HVCN1: variants seen among roughly 807,000 people sequenced by gnomAD.
HVCN1 encodes the protein voltage-gated hydrogen channel 1.
In HVCN1, 14 loss-of-function variants were observed where a neutral mutation model predicts 29.2. That is an observed-to-expected ratio of 0.48 (90% confidence interval 0.32 to 0.75). The LOEUF is 0.75. HVCN1 is among the 30% of genes least tolerant of loss of function. HVCN1 has a pLI of 0.04. For missense variants in HVCN1, 263 were observed against 341.8 expected (o/e 0.77, Z 1.82); for synonymous variants, 131 against 133.2 (o/e 0.98, Z 0.11).
chr12:110,672,425 AC>A (rs2068610051), intron 3 of HVCN1, among the ~76,000 whole-genome samples: 1 of 152,162 alleles, frequency 6.6e-6, no homozygotes, highest in Non-Finnish European at 1.5e-5. Context: ...GAAGACCCAC[AC>A]CACAGAGCAC....
At chr12:110,677,135 G>A (rs367604493) in intron 3 of HVCN1, among the ~76,000 whole-genome samples, 2 of 151,960 alleles carry the variant, frequency 1.3e-5, no homozygotes, top group African/African-American at 2.4e-5. Context: ...AGCCCAGAAT[G>A]TTGAGGCTGC....
At chr12:110,669,061 C>T (rs1257336557) in intron 3 of HVCN1, among the ~76,000 whole-genome samples, 1 of 151,986 alleles carries the variant, frequency 6.6e-6, no homozygotes, top group African/African-American at 2.4e-5. Context: ...ATCAAAGACT[C>T]CAGTCTGATG....
intron 3 of HVCN1, among the ~76,000 whole-genome samples, chr12:110,675,047 C>T (rs2068701495): frequency 6.6e-6 from 1 of 152,182 alleles, no homozygotes; most frequent in Admixed American, 6.5e-5. Context: ...CTTAAAAGTG[C>T]CATCTTTGTA....
At chr12:110,692,761 A>G (rs886906098), upstream of HVCN1, among the ~76,000 whole-genome samples, 2 of 152,124 alleles carry the variant, frequency 1.3e-5, no homozygotes, top group East Asian at 3.9e-4. Context: ...AAAACAACTT[A>G]GGGAAGAGTA....
Position 110,649,294 on chromosome 12 carries a change from G to T in HVCN1, c.*116C>A. The T allele has an allele frequency of 1.3e-6, 1 of 781,188 alleles. No individual in the cohort carries two copies. The highest frequency in any genetic ancestry group is 2.2e-6 in the Non-Finnish European group (1 of 448,070). 48.4% of individuals were successfully genotyped at this position (781,188 alleles called of 1,614,324 possible). ...CCAGAATCCATGCTGGCAGGAGGGA[G>T]GCAGAGGTATCAAACCAAACCTCTC... On this transcript the variant is annotated 3_prime_UTR_variant, in exon 8 of 8. Coordinates refer to ENST00000242607, the MANE Select transcript of HVCN1 (RefSeq NM_032369.4).
At chr12:110,665,753 TC>T (rs957697195) in intron 3 of HVCN1, among the ~76,000 whole-genome samples, 23 of 152,018 alleles carry the variant, frequency 1.5e-4, no homozygotes, top group African/African-American at 5.6e-4. Context: ...ACTCATGTAA[TC>T]CCATCACTTT....
exon 2 of HVCN1, chr12:110,702,414 G>T (rs73194026): frequency 0.15 from 22,163 of 152,006 alleles, 2,246 homozygotes; most frequent in African/African-American, 0.29. Flanking sequence ...ATGCCGTTGG[G>T]GTGAGGTAGG....
chr12:110,651,290 G>C lies in HVCN1; in HGVS notation c.570C>G (p.Phe190Leu). ...VSFILDIVLL[F>L]QEHQFEALGL... ...CCAGAGCCTCAAACTGGTGCTCCTG[G>C]AACAGGAGGACAATGTCGAGGATGA... Residue 190 changes from phenylalanine (F) to leucine (L), a missense_variant, in exon 6 of 8, where the codon TTC (phenylalanine) becomes TTG (leucine). Transcript: ENST00000242607. The C allele has an allele frequency of 1.9e-6, 3 of 1,614,052 alleles. No individual in the cohort carries two copies. Among genetic ancestry groups the C allele is most frequent in the South Asian group, 2.2e-5 (2 of 91,068 alleles).
At chr12:110,699,912 G>A (rs924224614) in intron 2 of HVCN1, among the ~76,000 whole-genome samples, 3 of 152,042 alleles carry the variant, frequency 2.0e-5, no homozygotes, top group African/African-American at 7.3e-5. Flanking sequence ...AGTTGCCTCC[G>A]TTCCACAAGG....
At chr12:110,649,656 C>T (rs983038122) in intron 7 of HVCN1, among the ~76,000 whole-genome samples, 181 bp from the exon 8 acceptor site, 2 of 152,074 alleles carry the variant, frequency 1.3e-5, no homozygotes, top group African/African-American at 2.4e-5. Context: ...GCAGCAGTGA[C>T]AGCAGTGAGA....
intron 2 of HVCN1, among the ~76,000 whole-genome samples, chr12:110,687,414 AT>A (rs2069233049): frequency 6.6e-6 from 1 of 152,144 alleles, no homozygotes. Context: ...AGAGAAGAGC[AT>A]TCCCGGGAAA....
chr12:110,662,381 G>A (rs2068207506), intron 3 of HVCN1, among the ~76,000 whole-genome samples: 2 of 152,200 alleles, frequency 1.3e-5, no homozygotes, highest in Admixed American at 1.3e-4. Context: ...GCTTAGGATA[G>A]GAAAAGATTG....
rs531712145 is a variant in HVCN1 at position 110,681,987 on chromosome 12, A to C, written c.21+1238T>G. ...TGGAGTCAGGCCAGGTTGAAATCCC[A>C]ATTTCTGTTTTTTTTTGGAGACGGA... On this transcript the variant is annotated intron_variant, in intron 3 of 7. Transcript: ENST00000242607. 8.2e-4 allele frequency among the ~76,000 whole-genome samples: 125 copies of C among 151,864 alleles called. 1 individual carries two copies. Among genetic ancestry groups the C allele is most frequent in the Non-Finnish European group, 1.4e-3 (98 of 67,900 alleles).
intron 2 of HVCN1, chr12:110,688,186 T>C (rs2069270424): frequency 6.6e-6 from 1 of 152,272 alleles, no homozygotes; most frequent in Admixed American, 6.5e-5. Flanking sequence ...AAGCATCTTA[T>C]ATCATCTTCT....
intron 2 of HVCN1, chr12:110,688,028 G>A (rs1429185137): frequency 6.6e-6 from 1 of 152,220 alleles, no homozygotes; most frequent in Non-Finnish European, 1.5e-5. Context: ...CGGAAATCCT[G>A]CAGATCTCAG....
At chr12:110,669,736 T>TACAGGGAG (rs1411099622) in intron 3 of HVCN1, among the ~76,000 whole-genome samples, 1 of 152,034 alleles carries the variant, frequency 6.6e-6, no homozygotes, top group Non-Finnish European at 1.5e-5. Flanking sequence ...CAGAGACTCT[T>TACAGGGAG]CCTCAGTCAC....
intron 3 of HVCN1, among the ~76,000 whole-genome samples, chr12:110,669,815 G>C (rs2068510982): frequency 6.6e-6 from 1 of 152,146 alleles, no homozygotes; most frequent in Non-Finnish European, 1.5e-5. Context: ...TAGCACTTTG[G>C]GAGGCCGAGA....
chr12:110,683,201 C>A (rs1296759246), intron 3 of HVCN1, 24 bp downstream of exon 3: 2 of 1,613,922 alleles, frequency 1.2e-6, no homozygotes, highest in South Asian at 2.2e-5. Flanking sequence ...TCCTCTAATG[C>A]TGCAAGACCA....
chr12:110,702,260 T>A (rs1393539308), intron 2 of HVCN1: 2 of 152,070 alleles, frequency 1.3e-5, no homozygotes, highest in Non-Finnish European at 2.9e-5. Context: ...GGTCTGGGCC[T>A]GGTGTATGTG....
Sources: gnomAD v4.1 joint callset for allele counts (sites outside exome capture counted in the v4.1 genomes callset) on GRCh38, gnomAD v4.1.1 for gene constraint, MANE v1.5 for transcripts, NCBI Gene and HGNC (gene_info 2026-07-23, HGNC 2026-07-21) for gene names.